Variants in BBOF1 observed in about 807,000 individuals in gnomAD.
BBOF1 encodes basal body orientation factor 1, also known as basal body-orientation factor 1.
Under a neutral mutation model 68.0 loss-of-function variants are expected in BBOF1, and 62 were observed. The observed-to-expected ratio is 0.91, with a 90% CI of 0.74 to 1.13. The LOEUF (loss-of-function observed/expected upper bound fraction) is 1.13. Among genes scored for constraint, BBOF1 ranks in the 50% most tolerant of loss-of-function variants. BBOF1 has a pLI of 0.00. For missense variants in BBOF1, 534 were observed against 600.1 expected, an observed-to-expected ratio of 0.89 and a Z score of 1.15; for synonymous variants, 208 against 198.8, an observed-to-expected ratio of 1.05 and a Z score of -0.39.
chr14:74,027,082 C>CTTTTT (rs1189972161), intron 2 of BBOF1, among the ~76,000 whole-genome samples: 14 of 88,188 alleles, frequency 1.6e-4, no homozygotes, highest in African/African-American at 1.8e-4. Flanking sequence ...GAAAGGAAGC[C>CTTTTT]TTTTTTTTTT....
chr14:74,079,142 A>C (rs757464327), intron 10 of BBOF1, among the ~76,000 whole-genome samples: 6 of 151,602 alleles, frequency 4.0e-5, no homozygotes, highest in Non-Finnish European at 7.4e-5. Context: ...CCACGTAATT[A>C]TCTTTACCAC....
At position 74,032,467 on chromosome 14, in the gene BBOF1, A is replaced by G. The variant is rs2059593940; in HGVS notation, c.352-1561A>G. On this transcript the variant is annotated intron_variant, in intron 3 of 11. Coordinates refer to ENST00000394009, the MANE Select transcript of BBOF1 (RefSeq NM_025057.3). ...GCAATGTGATAGGTGAGAAATGGGT[A>G]TTTTTCAATTTACGTTTCTCTCTTT... Among the ~76,000 whole-genome samples, 3 of 142,732 alleles carry G rather than the reference A, an allele frequency of 2.1e-5. No individual in the cohort carries two copies. The South Asian group carries it at 6.8e-4, about 32-fold the overall frequency. 93.6% of individuals were successfully genotyped at this position (142,732 alleles called of 152,430 possible). A position where few individuals can be genotyped will look rare whatever the true frequency, so the allele number is the denominator to read the frequency against.
At chr14:74,073,497 G>A (rs1036819662) in intron 9 of BBOF1, among the ~76,000 whole-genome samples, 2 of 152,180 alleles carry the variant, frequency 1.3e-5, no homozygotes, top group African/African-American at 4.8e-5. Context: ...GGAACTTCAT[G>A]AGTAGAAACA....
At chr14:74,027,739 C>G (rs1175729562) in intron 2 of BBOF1, among the ~76,000 whole-genome samples, 1 of 152,016 alleles carries the variant, frequency 6.6e-6, no homozygotes, top group Non-Finnish European at 1.5e-5. Flanking sequence ...ATATAACCTA[C>G]CAAAAACATA....
intron 2 of BBOF1, among the ~76,000 whole-genome samples, chr14:74,023,404 TCTA>T (rs1261080997): frequency 3.9e-5 from 6 of 152,308 alleles, no homozygotes; most frequent in Non-Finnish European, 5.9e-5. Context: ...AACTTTATGA[TCTA>T]CTTTATTTTA....
intron 4 of BBOF1, among the ~76,000 whole-genome samples, chr14:74,037,728 C>A (rs548555168): frequency 2.6e-5 from 4 of 151,788 alleles, no homozygotes; most frequent in South Asian, 2.1e-4. Flanking sequence ...CCGAGGCAGG[C>A]GGATGACCTG....
chr14:74,039,244 T>C (rs1419040101), intron 4 of BBOF1, among the ~76,000 whole-genome samples: 1 of 152,212 alleles, frequency 6.6e-6, no homozygotes, highest in African/African-American at 2.4e-5. Context: ...TGTGAACATT[T>C]TTCAATGCCA....
chr14:74,071,170 T>G (rs2060544009), intron 9 of BBOF1: 2 of 1,600,126 alleles, frequency 1.2e-6, no homozygotes, highest in African/African-American at 2.7e-5. Flanking sequence ...CCAGATTAAG[T>G]AGCCATATGC....
chr14:74,030,921 C>T (rs2059551847), intron 3 of BBOF1, among the ~76,000 whole-genome samples: 4 of 147,414 alleles, frequency 2.7e-5, no homozygotes, highest in Non-Finnish European at 6.0e-5. Flanking sequence ...AAGTCATAAA[C>T]ATATATATAT....
rs2059337510 is a variant in BBOF1 at position 74,022,990 on chromosome 14, A to G, written c.131A>G (p.Glu44Gly). 1 of 1,613,278 alleles carries G rather than the reference A, an allele frequency of 6.2e-7. No homozygotes were observed. The highest frequency in any genetic ancestry group is 8.5e-7 in the Non-Finnish European group (1 of 1,179,602). The change falls in exon 2 of 12, where the codon GAA becomes GGA. Residue 44 changes from glutamate (E) to glycine (G), a missense_variant. Coordinates refer to ENST00000394009, the MANE Select transcript of BBOF1 (RefSeq NM_025057.3). ...ANASLWEARLEVTELSRIKYR... is the reference protein window; with the variant it reads ...ANASLWEARLGVTELSRIKYR... ...GCCTCCCTTTGGGAGGCCAGGTTGG[A>G]AGTCACAGAACTCTCTAGGATTAAG...
At chr14:74,034,963 G>A (rs72627147) in intron 4 of BBOF1, among the ~76,000 whole-genome samples, 20,809 of 151,952 alleles carry the variant, frequency 0.14, 2,014 homozygotes, top group East Asian at 0.57. Flanking sequence ...ACAGTGGCTC[G>A]TGCGTATAGT....
chr14:74,026,182 C>T (rs1225991195), intron 2 of BBOF1, among the ~76,000 whole-genome samples: 1 of 150,020 alleles, frequency 6.7e-6, no homozygotes, highest in Non-Finnish European at 1.5e-5. Context: ...GTGGCTCATG[C>T]CTGTAATCCC....
rs550544632 is a variant in BBOF1 at position 74,052,179 on chromosome 14, TAGTA to T, written c.1286+1988_1286+1991del. 1.7e-3 allele frequency among the ~76,000 whole-genome samples: 252 copies of T among 151,918 alleles called. 12 individuals carry two copies. The highest frequency in any genetic ancestry group is 5.9e-3 in the African/African-American group (241 of 41,196). On this transcript the variant is annotated intron_variant, in intron 8 of 11. Coordinates refer to ENST00000394009, the MANE Select transcript of BBOF1 (RefSeq NM_025057.3). ...TCTTTATATCCTTTTGTTTACGAAATAGTAAGTGTTATACATTTTCAGAGGAAGT... is the reference window on the plus strand; with the variant it reads ...TCTTTATATCCTTTTGTTTACGAAATAGTGTTATACATTTTCAGAGGAAGT...
chr14:74,049,569 G>A (rs2060020733), intron 7 of BBOF1, 133 bp from the exon 8 acceptor site: 1 of 735,852 alleles, frequency 1.4e-6, no homozygotes, highest in Non-Finnish European at 2.1e-6. Flanking sequence ...GCCTGAGGTA[G>A]GAGAATTGCT....
In BBOF1 at chr14:74,048,095, G is replaced by C. The variant is rs747986754; in HGVS notation, c.792+21G>C. On this transcript the variant is annotated intron_variant, in intron 7 of 11. Transcript: ENST00000394009. ...AAAAGGTTCCCTCTCATTTAGACTT[G>C]GTGTCCTTCTTTTCTTTATTTAAGG... The C allele has an allele frequency of 1.6e-5, 25 of 1,591,072 alleles. No homozygotes were observed. In the South Asian group the frequency reaches 2.0e-4, roughly 13 times the overall value.
At chr14:74,067,321 C>A (rs1595118760), downstream of BBOF1, 5 of 1,596,606 alleles carry the variant, frequency 3.1e-6, no homozygotes, top group African/African-American at 1.3e-5. Flanking sequence ...AGTGACAGAA[C>A]CCAAGAGCTT....
At position 74,046,064 on chromosome 14, in the gene BBOF1, G is replaced by C. The variant is rs756352111; in HGVS notation, c.581G>C (p.Arg194Pro). ...LESRFFEEKH[R>P]LEQEAEKKII... Reference sequence around the variant, plus strand: ...GCAGCCCATTTTCTTTTTTAGCACCGACTAGAACAAGAGGCTGAAAAGAAG... The same window carrying C: ...GCAGCCCATTTTCTTTTTTAGCACCCACTAGAACAAGAGGCTGAAAAGAAG... Residue 194 changes from arginine to proline, a missense_variant, in exon 6 of 12, where the codon CGA becomes CCA. Arg to Pro is a moderately radical substitution (Grantham distance 103). Coordinates refer to ENST00000394009, the MANE Select transcript of BBOF1 (RefSeq NM_025057.3). 6.2e-7 allele frequency: 1 copy of C among 1,605,928 alleles called. No homozygotes were observed. The highest frequency in any genetic ancestry group is 8.5e-7 in the Non-Finnish European group (1 of 1,176,338).
intron 5 of BBOF1, among the ~76,000 whole-genome samples, chr14:74,042,573 C>G (rs998508982): frequency 1.3e-5 from 2 of 152,196 alleles, no homozygotes; most frequent in African/African-American, 4.8e-5. Context: ...CCAGCTGTGT[C>G]TGTCCCTTTT....
In BBOF1 at chr14:74,049,688, CT is replaced by C. The variant is rs1566811540; in HGVS notation, c.793-11del. On this transcript the variant is annotated splice_polypyrimidine_tract_variant and intron_variant, in intron 7 of 11. Coordinates refer to ENST00000394009, the MANE Select transcript of BBOF1 (RefSeq NM_025057.3). ...AAAGAAAAAAAAAATCACCTCTCATCTTTCTGTTTTTAGGAGATCAATGATC... is the reference window on the plus strand; with the variant it reads ...AAAGAAAAAAAAAATCACCTCTCATCTTCTGTTTTTAGGAGATCAATGATC... The C allele has an allele frequency of 6.4e-7, 1 of 1,560,314 alleles. No homozygotes were observed. Among genetic ancestry groups the C allele is most frequent in the East Asian group, 2.3e-5 (1 of 44,096 alleles).
Sources: gnomAD v4.1 joint callset for allele counts (sites outside exome capture counted in the v4.1 genomes callset) on GRCh38, gnomAD v4.1.1 for gene constraint, MANE v1.5 for transcripts, NCBI Gene and HGNC (gene_info 2026-07-23, HGNC 2026-07-21) for gene names.